CCSER1: variants seen among roughly 807,000 people sequenced by gnomAD.
The protein encoded by CCSER1 is coiled-coil serine rich protein 1, also known as serine-rich coiled-coil domain-containing protein 1.
CCSER1 carries 41 observed loss-of-function variants against 82.0 expected under a neutral mutation model. The observed-to-expected ratio is 0.50, with a 90% CI of 0.39 to 0.65. CCSER1 has a LOEUF of 0.65. CCSER1 is among the 30% of genes least tolerant of loss of function. CCSER1 has a pLI of 0.00. For missense variants in CCSER1, 1,119 were observed against 1,064.2 expected, an observed-to-expected ratio of 1.05 and a Z score of -0.72; for synonymous variants, 414 against 383.9, an observed-to-expected ratio of 1.08 and a Z score of -0.92.
At chr4:91,472,211 C>T (rs914784287) in intron 10 of CCSER1, among the ~76,000 whole-genome samples, 11 of 151,964 alleles carry the variant, frequency 7.2e-5, no homozygotes, top group African/African-American at 1.9e-4. Flanking sequence ...TTTAGGGCTT[C>T]GCTGAAGTTT....
At chr4:91,411,888 T>A (rs1385366182) in intron 10 of CCSER1, among the ~76,000 whole-genome samples, 1 of 151,378 alleles carries the variant, frequency 6.6e-6, no homozygotes, top group Non-Finnish European at 1.5e-5. Flanking sequence ...ATGGAATCAG[T>A]GGGCCTTAAA....
chr4:91,510,272 G>A (rs1008432626), intron 10 of CCSER1, among the ~76,000 whole-genome samples: 3 of 152,112 alleles, frequency 2.0e-5, no homozygotes, highest in Non-Finnish European at 2.9e-5. Flanking sequence ...CCCTTAGCTC[G>A]ATTCCCTATC....
intron 3 of CCSER1, among the ~76,000 whole-genome samples, chr4:90,362,162 A>G (rs1046149115): frequency 6.6e-6 from 1 of 152,158 alleles, no homozygotes; most frequent in African/African-American, 2.4e-5. Context: ...TGACTCTCAC[A>G]CAGGGATCTT....
chr4:90,789,001 AAC>A (rs977548127), intron 7 of CCSER1, among the ~76,000 whole-genome samples: 1 of 103,298 alleles, frequency 9.7e-6, no homozygotes, highest in African/African-American at 4.1e-5. Context: ...TTTTCTATCT[AAC>A]ACATACACAC....
chr4:90,841,296 T>C (rs2149874407), intron 8 of CCSER1, among the ~76,000 whole-genome samples: 1 of 152,194 alleles, frequency 6.6e-6, no homozygotes, highest in Middle Eastern at 3.4e-3. Flanking sequence ...AGAAAATATT[T>C]GGCCAGGCAC....
chr4:90,378,363 A>G (rs1415047150), intron 3 of CCSER1, among the ~76,000 whole-genome samples: 3 of 152,200 alleles, frequency 2.0e-5, no homozygotes, highest in Admixed American at 2.0e-4. Flanking sequence ...GATTGTTTCT[A>G]TTGCACAGAG....
chr4:90,618,294 C>T (rs1043690414), intron 5 of CCSER1, among the ~76,000 whole-genome samples: 1 of 151,956 alleles, frequency 6.6e-6, no homozygotes, highest in African/African-American at 2.4e-5. Flanking sequence ...TGCCAAATTA[C>T]AGGACAACAA....
intron 10 of CCSER1, among the ~76,000 whole-genome samples, chr4:91,361,738 T>A (rs1337074975): frequency 1.3e-5 from 2 of 151,734 alleles, no homozygotes; most frequent in Non-Finnish European, 2.9e-5. Flanking sequence ...TACGGAAGTG[T>A]TTTTGCTATG....
At chr4:91,257,472 T>TACACACAC (rs34423543) in intron 10 of CCSER1, among the ~76,000 whole-genome samples, 1,492 of 148,980 alleles carry the variant, frequency 0.01, 11 homozygotes, top group African/African-American at 0.029. Flanking sequence ...AATACATACC[T>TACACACAC]ACACACACAC....
At chr4:90,400,537 C>T (rs1334163206) in intron 4 of CCSER1, among the ~76,000 whole-genome samples, 1 of 151,992 alleles carries the variant, frequency 6.6e-6, no homozygotes, top group Non-Finnish European at 1.5e-5. Flanking sequence ...CAAATCTTAG[C>T]CACTTCCTAC....
At chr4:90,267,510 T>C (rs1725458103) in intron 1 of CCSER1, among the ~76,000 whole-genome samples, 1 of 152,094 alleles carries the variant, frequency 6.6e-6, no homozygotes, top group Non-Finnish European at 1.5e-5. Context: ...AGATAGGTAG[T>C]GGCTATAGCA....
chr4:90,997,513 TTAGGGCA>T (rs1737605549), intron 9 of CCSER1, among the ~76,000 whole-genome samples: 1 of 152,128 alleles, frequency 6.6e-6, no homozygotes, highest in Admixed American at 6.5e-5. Context: ...CTTCTGGGGA[TTAGGGCA>T]TAGACATCTT....
chr4:90,415,048 T>A (rs1341661395), intron 4 of CCSER1, among the ~76,000 whole-genome samples: 1 of 152,208 alleles, frequency 6.6e-6, no homozygotes, highest in Non-Finnish European at 1.5e-5. Context: ...AAAAGTTTAC[T>A]AGTGTTATGA....
intron 10 of CCSER1, among the ~76,000 whole-genome samples, chr4:91,247,836 C>G (rs1201211113): frequency 6.6e-6 from 1 of 152,074 alleles, no homozygotes; most frequent in African/African-American, 2.4e-5. Context: ...CAACTGTGCT[C>G]CAGCCTAGGC....
intron 10 of CCSER1, among the ~76,000 whole-genome samples, chr4:91,580,491 T>C (rs938755190): frequency 1.3e-5 from 2 of 151,756 alleles, no homozygotes; most frequent in African/African-American, 4.8e-5. Flanking sequence ...TGATGAGAGA[T>C]GATATGGTTA....
At chr4:90,708,785 AT>A (rs1739925572) in intron 6 of CCSER1, among the ~76,000 whole-genome samples, 1 of 152,212 alleles carries the variant, frequency 6.6e-6, no homozygotes, top group Middle Eastern at 3.4e-3. Flanking sequence ...TAAGGATCTG[AT>A]TTTTTCCCCT....
chr4:90,883,157 T>C (rs1425296453), intron 8 of CCSER1, among the ~76,000 whole-genome samples: 2 of 151,986 alleles, frequency 1.3e-5, no homozygotes, highest in Non-Finnish European at 2.9e-5. Flanking sequence ...CATATTATGC[T>C]GTTTCACTGA....
chr4:90,626,248 A>G (rs1055488949), intron 5 of CCSER1, among the ~76,000 whole-genome samples: 21 of 152,280 alleles, frequency 1.4e-4, no homozygotes, highest in Non-Finnish European at 2.5e-4. Flanking sequence ...TTATACAACT[A>G]TTTACTGAGT....
At chr4:90,555,025 G>A (rs1021920152) in intron 5 of CCSER1, among the ~76,000 whole-genome samples, 1 of 152,050 alleles carries the variant, frequency 6.6e-6, no homozygotes, top group Admixed American at 6.6e-5. Flanking sequence ...TGCCAGATGT[G>A]AGCTGCCAAC....
Sources: gnomAD v4.1 joint callset for allele counts (sites outside exome capture counted in the v4.1 genomes callset) on GRCh38, gnomAD v4.1.1 for gene constraint, MANE v1.5 for transcripts, NCBI Gene and HGNC (gene_info 2026-07-23, HGNC 2026-07-21) for gene names.